MAPK8: variants seen among roughly 807,000 people sequenced by gnomAD.
The protein encoded by MAPK8 is mitogen-activated protein kinase 8.
In MAPK8, 13 loss-of-function variants were observed where a neutral mutation model predicts 52.9. That is an observed-to-expected ratio of 0.25 (90% confidence interval 0.16 to 0.39). The LOEUF is 0.39. MAPK8 is among the 10% of genes least tolerant of loss of function. MAPK8 has a pLI of 1.00. For missense variants in MAPK8, 300 were observed against 519.2 expected (o/e 0.58, Z 4.10); for synonymous variants, 191 against 169.8 (o/e 1.12, Z -0.97).
At chr10:48,375,023 CA>C (rs2132665646) in intron 1 of MAPK8, among the ~76,000 whole-genome samples, 1 of 152,240 alleles carries the variant, frequency 6.6e-6, no homozygotes, top group East Asian at 1.9e-4. Context: ...AGCAGCACAT[CA>C]AAAAGCTTAT....
At chr10:48,329,244 G>T (rs1231491035) in intron 1 of MAPK8, among the ~76,000 whole-genome samples, 1 of 152,202 alleles carries the variant, frequency 6.6e-6, no homozygotes, top group Non-Finnish European at 1.5e-5. Context: ...TCCTCTGCTA[G>T]TTAAGTCGAA....
In MAPK8 at chr10:48,436,721, G is replaced by C. The variant is rs2044877622; in HGVS notation, c.*1692G>C. 6.6e-6 allele frequency: 1 copy of C among 152,172 alleles called. No individual in the cohort carries two copies. The highest frequency in any genetic ancestry group is 2.4e-5 in the African/African-American group (1 of 41,424). The allele number at this position is 152,172 out of a possible 1,614,324, so 9.4% of individuals were successfully genotyped here. On this transcript the variant is annotated 3_prime_UTR_variant, in exon 12 of 12. Transcript: ENST00000374189. The stretch of plus-strand genomic sequence containing the variant: ...CAATATTTAAGATTAAAATACATTA[G>C]CTTTTTTATATACTTTGAAGTAGCA...
intron 1 of MAPK8, among the ~76,000 whole-genome samples, chr10:48,365,560 G>C (rs1847958388): frequency 1.3e-5 from 2 of 152,050 alleles, no homozygotes; most frequent in Admixed American, 1.3e-4. Context: ...TTTACACAAT[G>C]TTGCCTTGTG....
At chr10:48,309,189 G>T (rs1322902972) in intron 1 of MAPK8, among the ~76,000 whole-genome samples, 2 of 152,026 alleles carry the variant, frequency 1.3e-5, no homozygotes. Context: ...TAGCTTTATT[G>T]CAATTTAATT....
At chr10:48,317,259 A>C (rs1842589886) in intron 1 of MAPK8, among the ~76,000 whole-genome samples, 1 of 152,126 alleles carries the variant, frequency 6.6e-6, no homozygotes, top group Non-Finnish European at 1.5e-5. Context: ...CTGCAGCCTT[A>C]AACTCCTGGG....
intron 6 of MAPK8, 56 bp downstream of exon 6, chr10:48,420,376 A>G (rs1205310687): frequency 6.9e-7 from 1 of 1,444,174 alleles, no homozygotes; most frequent in Non-Finnish European, 9.3e-7. Context: ...TTCTTTATTC[A>G]GTAGATTTTT....
intron 10 of MAPK8, among the ~76,000 whole-genome samples, chr10:48,429,343 G>A (rs1160194187): frequency 6.6e-6 from 1 of 152,174 alleles, no homozygotes; most frequent in Non-Finnish European, 1.5e-5. Context: ...GTTTTCATTT[G>A]TATAAGGATA....
At chr10:48,312,751 C>A (rs1842091256) in intron 1 of MAPK8, among the ~76,000 whole-genome samples, 2 of 152,184 alleles carry the variant, frequency 1.3e-5, no homozygotes, top group Non-Finnish European at 2.9e-5. Context: ...AAAACCAAAG[C>A]ATCTAGCTTT....
chr10:48,342,563 T>C (rs889803105), intron 1 of MAPK8, among the ~76,000 whole-genome samples: 1 of 152,204 alleles, frequency 6.6e-6, no homozygotes, highest in South Asian at 2.1e-4. Flanking sequence ...ATGGCAAACC[T>C]ATTAGGGAAC....
rs551977072 is a variant in MAPK8, at chr10:48,332,106, A to C, written c.-50+25285A>C. ...TTTCTACCAGGTCAAATCTAGGTAC[A>C]GTCTGTTCTAATATTATTTTGACCA... On this transcript the variant is annotated intron_variant, in intron 1 of 11. Transcript: ENST00000374189. 5.4e-4 allele frequency among the ~76,000 whole-genome samples: 83 copies of C among 152,318 alleles called. 2 individuals are homozygous for C. In the South Asian group the frequency reaches 0.017, roughly 31 times the overall value.
At chr10:48,422,638 TTATTCTAATAGATTTTTGTCAAAAACGGA>T (rs2043433833) in intron 6 of MAPK8, among the ~76,000 whole-genome samples, 1 of 152,190 alleles carries the variant, frequency 6.6e-6, no homozygotes, top group South Asian at 2.1e-4. Context: ...TAGAGAAGAT[TTATTCTAATAGATTTTTGTCAAAAACGGA>T]AACCTTAGAA....
At chr10:48,356,278 A>G (rs956092812) in intron 1 of MAPK8, among the ~76,000 whole-genome samples, 37 of 152,338 alleles carry the variant, frequency 2.4e-4, no homozygotes, top group African/African-American at 8.9e-4. Flanking sequence ...TGAGGACAGT[A>G]AAGACACATA....
chr10:48,433,539 C>G (rs2044550424), intron 11 of MAPK8, among the ~76,000 whole-genome samples: 2 of 152,128 alleles, frequency 1.3e-5, no homozygotes, highest in Admixed American at 1.3e-4. Context: ...ATTATCACCT[C>G]TTTTACCTCT....
intron 1 of MAPK8, among the ~76,000 whole-genome samples, chr10:48,333,887 T>C (rs1478458343): frequency 1.3e-5 from 2 of 152,230 alleles, no homozygotes; most frequent in Non-Finnish European, 2.9e-5. Context: ...TTGCTGCAAG[T>C]CACAGCTCCC....
Position 48,426,393 on chromosome 10 carries a change from G to A in MAPK8, c.885G>A (p.Arg295=), listed in dbSNP as rs2043686336. ...TTATGTTTGCAGCCAGTCAGGCAAG[G>A]GATTTGTTATCCAAAATGCTGGTAA... is the stretch of plus-strand genomic sequence containing the variant. ...EHNKLKASQA[R]DLLSKMLVID... is the part of the protein sequence containing the mutation. Residue 295 remains arginine (R), a synonymous_variant, in exon 9 of 12, where the codon AGG becomes AGA. Transcript: ENST00000374189. 1 of 1,608,736 alleles carries A rather than the reference G, an allele frequency of 6.2e-7. No individual in the cohort carries two copies. Among genetic ancestry groups the A allele is most frequent in the South Asian group, 1.1e-5 (1 of 89,884 alleles).
intron 1 of MAPK8, among the ~76,000 whole-genome samples, chr10:48,336,154 G>A (rs893859333): frequency 1.3e-5 from 2 of 151,974 alleles, no homozygotes; most frequent in African/African-American, 4.8e-5. Flanking sequence ...TTTCTACCCT[G>A]ACTGATGAGT....
rs548571765 is a variant in MAPK8, at chr10:48,409,455, C to T, written c.253-424C>T. ...GAGAAGGGATATGCTTATGGATGAA[C>T]CAGTGAAATAGACTGGGAATGAAGA... is the stretch of plus-strand genomic sequence containing the variant. On this transcript the variant is annotated intron_variant, in intron 3 of 11. Transcript: ENST00000374189. 5.9e-5 allele frequency among the ~76,000 whole-genome samples: 9 copies of T among 152,014 alleles called. No homozygotes were observed. The South Asian group carries it at 1.9e-3, about 32-fold the overall frequency.
At chr10:48,403,492 G>T (rs185167179) in intron 2 of MAPK8, among the ~76,000 whole-genome samples, 2 of 151,604 alleles carry the variant, frequency 1.3e-5, no homozygotes, top group Admixed American at 6.6e-5. Context: ...TTATGGTAAC[G>T]TATTAAGATT....
chr10:48,385,966 A>G (rs2041288145), intron 1 of MAPK8, among the ~76,000 whole-genome samples: 1 of 151,410 alleles, frequency 6.6e-6, no homozygotes, highest in South Asian at 2.1e-4. Flanking sequence ...ACCTAGCGTT[A>G]AAAAAAAATC....
Sources: gnomAD v4.1 joint callset for allele counts (sites outside exome capture counted in the v4.1 genomes callset) on GRCh38, gnomAD v4.1.1 for gene constraint, MANE v1.5 for transcripts, NCBI Gene and HGNC (gene_info 2026-07-23, HGNC 2026-07-21) for gene names.